CAPG: variants seen among roughly 807,000 people sequenced by gnomAD.
CAPG encodes the protein macrophage-capping protein.
In CAPG, 32 loss-of-function variants were observed where a neutral mutation model predicts 44.6. The observed-to-expected ratio is 0.72, with a 90% CI of 0.54 to 0.96. The LOEUF is 0.96. Among genes scored for constraint, CAPG ranks in the 50% least tolerant of loss-of-function variants. The pLI, the probability that CAPG is intolerant of heterozygous loss-of-function variation, is 0.00. For missense variants in CAPG, 412 were observed against 438.3 expected (o/e 0.94, Z 0.54); for synonymous variants, 175 against 179.6 (o/e 0.97, Z 0.20).
chr2:85,403,564 A>G (rs1687006032), intron 1 of CAPG, among the ~76,000 whole-genome samples: 1 of 152,218 alleles, frequency 6.6e-6, no homozygotes. Flanking sequence ...ATTACAGATC[A>G]GTATCTCTCA....
Position 85,401,905 on chromosome 2 carries a change from C to G in CAPG, c.76G>C (p.Val26Leu). 1 of 1,614,038 alleles carries G rather than the reference C, an allele frequency of 6.2e-7. No individual in the cohort carries two copies. Among genetic ancestry groups the G allele is most frequent in the Non-Finnish European group, 8.5e-7 (1 of 1,180,016 alleles). ...VQDPGLHVWR[V>L]EKLKPVPVAQ... is the part of the protein sequence containing the mutation. ...ACAGGCACCGGCTTCAGCTTCTCCA[C>G]CCGCCACACATGCAGGCCTGGATCC... Residue 26 changes from valine (V) to leucine (L), a missense_variant, in exon 3 of 10, where the codon GTG becomes CTG. Physicochemically the swap from Val to Leu is conservative, Grantham distance 32. Transcript: ENST00000263867.
intron 1 of CAPG, among the ~76,000 whole-genome samples, chr2:85,408,506 C>T (rs56047935): frequency 0.087 from 13,252 of 152,140 alleles, 623 homozygotes; most frequent in South Asian, 0.16. Flanking sequence ...CATACTTTAG[C>T]CTGTTTTATA....
At chr2:85,415,071 C>T (rs892387900), upstream of CAPG, among the ~76,000 whole-genome samples, 2 of 152,194 alleles carry the variant, frequency 1.3e-5, no homozygotes, top group Non-Finnish European at 2.9e-5. Context: ...ATCTTTCTAT[C>T]TGGGTGACCT....
At chr2:85,415,397 TTTG>T (rs1687532089) in intron 1 of CAPG, among the ~76,000 whole-genome samples, 1 of 152,240 alleles carries the variant, frequency 6.6e-6, no homozygotes, top group Admixed American at 6.5e-5. Context: ...GCATTCAGTT[TTTG>T]TTTTGTTTTG....
intron 7 of CAPG, 41 bp from the exon 8 acceptor site, chr2:85,398,193 C>A (rs140149844): frequency 6.2e-7 from 1 of 1,600,244 alleles, no homozygotes; most frequent in South Asian, 1.1e-5. Context: ...CCCCCACACA[C>A]CAGCCCTCAC....
In CAPG at chr2:85,396,356, TG is replaced by T. The variant is rs1190970991; in HGVS notation, c.893-731del. On this transcript the variant is annotated intron_variant, in intron 8 of 9. Transcript: ENST00000263867. ...GCACGCCACCACACTCAGCTAATTTTGGGGGGTTTTTTTTTTGTAGAGAAGT... is the reference window on the plus strand; with the variant it reads ...GCACGCCACCACACTCAGCTAATTTTGGGGGTTTTTTTTTTGTAGAGAAGT... Among the ~76,000 whole-genome samples the T allele has an allele frequency of 2.6e-3, 365 of 139,676 alleles. 3 individuals carry two copies. Among genetic ancestry groups the T allele is most frequent in the African/African-American group, 9.2e-3 (327 of 35,610 alleles). The allele number at this position is 139,676 out of a possible 152,430, so 91.6% of individuals were successfully genotyped here.
At chr2:85,410,857 T>G (rs893296547), upstream of CAPG, among the ~76,000 whole-genome samples, 33 of 133,874 alleles carry the variant, frequency 2.5e-4, no homozygotes, top group Non-Finnish European at 1.7e-4. Context: ...AGTTTTTTGG[T>G]TTTTTTTGTT....
intron 5 of CAPG, among the ~76,000 whole-genome samples, chr2:85,399,903 G>C (rs779122858): frequency 6.6e-6 from 1 of 151,954 alleles, no homozygotes; most frequent in Non-Finnish European, 1.5e-5. Context: ...CACCAGGCCC[G>C]GCTAATTTTA....
intron 1 of CAPG, among the ~76,000 whole-genome samples, chr2:85,408,338 TCACACACACACA>T (rs71390065): frequency 6.5e-4 from 84 of 129,572 alleles, no homozygotes; most frequent in Middle Eastern, 7.6e-3. Flanking sequence ...GAAGAATCTG[TCACACACACACA>T]CACACACACA....
chr2:85,414,331 A>G (rs1483088630), upstream of CAPG, among the ~76,000 whole-genome samples: 1 of 152,034 alleles, frequency 6.6e-6, no homozygotes, highest in Non-Finnish European at 1.5e-5. Flanking sequence ...CACATCTACT[A>G]TCATTATTCC....
chr2:85,405,916 C>T (rs141341295), intron 1 of CAPG, among the ~76,000 whole-genome samples: 31 of 152,302 alleles, frequency 2.0e-4, no homozygotes, highest in African/African-American at 7.2e-4. Flanking sequence ...ACACGGAGTG[C>T]GCCAATTGTC....
At chr2:85,399,407 G>GCACA in intron 5 of CAPG, 122 bp from the exon 6 acceptor site, 1 of 1,030,742 alleles carries the variant, frequency 9.7e-7, no homozygotes, top group South Asian at 1.5e-5. Flanking sequence ...AGGACAACCA[G>GCACA]GAAGGCAGAG....
At chr2:85,409,109 G>A (rs957620290) in intron 1 of CAPG, among the ~76,000 whole-genome samples, 1 of 152,214 alleles carries the variant, frequency 6.6e-6, no homozygotes, top group Non-Finnish European at 1.5e-5. Context: ...TTTAGGGCAG[G>A]AAGTGTATTT....
Position 85,401,823 on chromosome 2 carries a change from T to C in CAPG, c.158A>G (p.Asn53Ser), listed in dbSNP as rs1209655762. ...FSGDSYLVLHNGPEEVSHLHL... is the reference protein window; with the variant it reads ...FSGDSYLVLHSGPEEVSHLHL... ...CAGATGGGAAACCTCTTCTGGGCCA[T>C]TGTGCAGCACTAGGTAGGAGTCCCC... The change falls in exon 3 of 10, where the codon AAT (asparagine) becomes AGT (serine). Residue 53 changes from asparagine (N) to serine (S), a missense_variant. Transcript: ENST00000263867. The C allele has an allele frequency of 1.9e-6, 3 of 1,613,896 alleles. No individual in the cohort carries two copies. The highest frequency in any genetic ancestry group is 3.3e-5 in the Admixed American group (2 of 59,982).
downstream of CAPG, among the ~76,000 whole-genome samples, chr2:85,392,537 C>CT (rs893518037): frequency 1.3e-5 from 2 of 152,292 alleles, no homozygotes; most frequent in East Asian, 1.9e-4. Flanking sequence ...CTGCAGGCCT[C>CT]TTTAAGTCTG....
At chr2:85,412,170 T>C (rs1687432808), upstream of CAPG, among the ~76,000 whole-genome samples, 1 of 152,150 alleles carries the variant, frequency 6.6e-6, no homozygotes, top group Non-Finnish European at 1.5e-5. Context: ...GAACATGGCC[T>C]GTAGCTAGCA....
rs767288939 is a variant in CAPG at position 85,398,727 on chromosome 2, G to A, written c.722C>T (p.Ala241Val). Residue 241 changes from alanine (A) to valine (V), a missense_variant, in exon 7 of 10, where the codon GCT becomes GTT. By Grantham distance (64) the Ala-to-Val change is moderately conservative. Transcript: ENST00000263867. ...KEGNPEEDLT[A>V]DKANAQAAAL... ...TGCGGCCTGGGCATTTGCCTTGTCA[G>A]CTGTGAGGTCTTCCTCAGGGTTGCC... The A allele has an allele frequency of 1.9e-6, 3 of 1,607,600 alleles. No homozygotes were observed. The East Asian group carries it at 6.7e-5, about 36-fold the overall frequency.
rs201863934 is a variant in CAPG, at chr2:85,399,242, C to T, written c.560G>A (p.Arg187His). ...WCGGKSNILE[R>H]NKARDLALAI... is the part of the protein sequence containing the mutation. The stretch of plus-strand genomic sequence containing the variant: ...CAGGGCCAGGTCCCTCGCCTTGTTG[C>T]GTTCCAGGATGTTGGACTTTCCACC... The change falls in exon 6 of 10, where the codon CGC (arginine) becomes CAC (histidine). Residue 187 changes from arginine (R) to histidine (H), a missense_variant. Coordinates refer to ENST00000263867, the MANE Select transcript of CAPG (RefSeq NM_001747.4). The T allele has an allele frequency of 4.5e-5, 73 of 1,614,150 alleles. No homozygotes were observed. Among genetic ancestry groups the T allele is most frequent in the Admixed American group, 6.7e-5 (4 of 60,026 alleles).
At chr2:85,396,163 T>C (rs2104782439) in intron 8 of CAPG, among the ~76,000 whole-genome samples, 1 of 152,318 alleles carries the variant, frequency 6.6e-6, no homozygotes, top group Admixed American at 6.5e-5. Context: ...TCCTGAGAAC[T>C]CAAACTGCTC....
Sources: gnomAD v4.1 joint callset for allele counts (sites outside exome capture counted in the v4.1 genomes callset) on GRCh38, gnomAD v4.1.1 for gene constraint, MANE v1.5 for transcripts, NCBI Gene and HGNC (gene_info 2026-07-23, HGNC 2026-07-21) for gene names.